Variants in RALGAPA1 observed in about 807,000 individuals in gnomAD.
RALGAPA1 encodes the protein ral GTPase-activating protein subunit alpha-1.
RALGAPA1 carries 52 observed loss-of-function variants against 269.6 expected under a neutral mutation model. That is an observed-to-expected ratio of 0.19 (90% CI 0.15 to 0.24). The LOEUF (loss-of-function observed/expected upper bound fraction) is 0.24. RALGAPA1 is among the 10% of genes least tolerant of loss of function. The pLI is 1.00. For missense variants in RALGAPA1, 1,917 were observed against 3,013.9 expected (o/e 0.64, Z 8.52); for synonymous variants, 817 against 1,008.3 (o/e 0.81, Z 3.60).
chr14:35,627,669 C>T lies in RALGAPA1; in HGVS notation c.6278G>A (p.Gly2093Asp). Residue 2093 changes from glycine (G) to aspartate (D), a missense_variant, in exon 34 of 42, where the codon GGC becomes GAC. By Grantham distance (94) the Gly-to-Asp change is moderately conservative. This residue lies in a region of RALGAPA1 where 346 missense variants were observed against 566.1 expected (regional missense o/e 0.61). Coordinates refer to ENST00000680220, the MANE Select transcript of RALGAPA1 (RefSeq NM_001346249.2). ...ENMPGGGLSA[G>D]LASANSNVRI... Reference sequence around the variant, plus strand: ...GACATTTGAATTGGCTGATGCAAGGCCAGCAGATAAACCTCCTCCAGGCAT... The same window carrying T: ...GACATTTGAATTGGCTGATGCAAGGTCAGCAGATAAACCTCCTCCAGGCAT... 6.3e-7 allele frequency: 1 copy of T among 1,575,512 alleles called. No homozygotes were observed. Among genetic ancestry groups the T allele is most frequent in the Non-Finnish European group, 8.6e-7 (1 of 1,160,968 alleles).
chr14:35,637,156 C>T (rs556052443), intron 31 of RALGAPA1, among the ~76,000 whole-genome samples: 2 of 152,130 alleles, frequency 1.3e-5, no homozygotes, highest in Non-Finnish European at 2.9e-5. Context: ...TCTTCAATGC[C>T]CACACACCAA....
intron 30 of RALGAPA1, among the ~76,000 whole-genome samples, chr14:35,653,484 T>C (rs2062979861): frequency 1.3e-5 from 2 of 151,920 alleles, no homozygotes; most frequent in Non-Finnish European, 2.9e-5. Flanking sequence ...AAGCCAGGGG[T>C]ATGTTTAAGT....
intron 1 of RALGAPA1, among the ~76,000 whole-genome samples, chr14:35,799,049 A>C (rs894153777): frequency 2.0e-5 from 3 of 152,008 alleles, no homozygotes; most frequent in African/African-American, 7.2e-5. Flanking sequence ...ATGGTACTAC[A>C]TGGGTATGAG....
In RALGAPA1 at chr14:35,688,501, G is replaced by C. The variant is rs575073315; in HGVS notation, c.3910C>G (p.Leu1304Val). The C allele has an allele frequency of 1.0e-5, 16 of 1,536,062 alleles. No individual in the cohort carries two copies. The African/African-American group carries it at 1.8e-4, about 17-fold the overall frequency. ...RMPPEAPLRD[L>V]YSHVMGYFGR... ...AAATAGCCCATTACATGACTGTACA[G>C]ATCCCTCAGTGGAGCCTCTGGTGGC... Residue 1304 changes from leucine to valine, a missense_variant, in exon 18 of 42, where the codon CTG becomes GTG. By Grantham distance (32) the Leu-to-Val change is conservative (BLOSUM62 1). Coordinates refer to ENST00000680220, the MANE Select transcript of RALGAPA1 (RefSeq NM_001346249.2).
chr14:35,718,088 G>A (rs8021912), intron 16 of RALGAPA1, among the ~76,000 whole-genome samples: 6,676 of 152,104 alleles, frequency 0.044, 415 homozygotes, highest in South Asian at 0.14. Context: ...TAAAACAGTC[G>A]TCCTATGTCC....
At chr14:35,660,567 ATAATCCAAAGCAATCC>A (rs2063474920) in intron 27 of RALGAPA1, among the ~76,000 whole-genome samples, 1 of 152,142 alleles carries the variant, frequency 6.6e-6, no homozygotes, top group Non-Finnish European at 1.5e-5. Flanking sequence ...AAATGTCCAT[ATAATCCAAAGCAATCC>A]TACTTCTGGG....
chr14:35,645,289 C>T (rs2062330623), intron 31 of RALGAPA1, among the ~76,000 whole-genome samples: 1 of 150,844 alleles, frequency 6.6e-6, no homozygotes, highest in Non-Finnish European at 1.5e-5. Flanking sequence ...ATTAGGATTT[C>T]CATATATGAA....
Position 35,563,020 on chromosome 14 carries a change from C to CAAAAAAAAAAAA in RALGAPA1, c.7496+7585_7496+7596dup, listed in dbSNP as rs71445944. Among the ~76,000 whole-genome samples, 40 of 37,258 alleles carry CAAAAAAAAAAAA rather than the reference C, an allele frequency of 1.1e-3. 1 individual carries two copies. Among genetic ancestry groups the CAAAAAAAAAAAA allele is most frequent in the South Asian group, 7.5e-3 (3 of 400 alleles). The allele number at this position is 37,258 out of a possible 152,430, so 24.4% of individuals were successfully genotyped here. On this transcript the variant is annotated intron_variant, in intron 39 of 41. Coordinates refer to ENST00000680220, the MANE Select transcript of RALGAPA1 (RefSeq NM_001346249.2). ...TGGGCAACAGAGCGAGAGTCCGTCTCAAAAAAAAAAAAAAAAAAAAAAAAA... is the reference window on the plus strand; with the variant it reads ...TGGGCAACAGAGCGAGAGTCCGTCTCAAAAAAAAAAAAAAAAAAAAAAAAAAAAAAAAAAAAA...
chr14:35,580,466 G>A lies in RALGAPA1; in HGVS notation c.7210-7748C>T, dbSNP rs536295404. Among the ~76,000 whole-genome samples the A allele has an allele frequency of 3.3e-5, 5 of 152,254 alleles. No homozygotes were observed. The East Asian group carries it at 9.6e-4, about 29-fold the overall frequency. ...ATTTATAGAACAGATTGCTTGGACTGGGGTTATATCAGGATTTTTATATGG... is the reference window on the plus strand; with the variant it reads ...ATTTATAGAACAGATTGCTTGGACTAGGGTTATATCAGGATTTTTATATGG... On this transcript the variant is annotated intron_variant, in intron 37 of 41. Transcript: ENST00000680220.
At chr14:35,546,908 A>G (rs1418738833) in intron 41 of RALGAPA1, among the ~76,000 whole-genome samples, 1 of 152,110 alleles carries the variant, frequency 6.6e-6, no homozygotes, top group East Asian at 1.9e-4. Flanking sequence ...TTCAGATTCT[A>G]TGTTTTTGCT....
chr14:35,692,970 A>T (rs1161878229), intron 17 of RALGAPA1, among the ~76,000 whole-genome samples: 1 of 152,040 alleles, frequency 6.6e-6, no homozygotes, highest in Non-Finnish European at 1.5e-5. Context: ...CAACAACCCC[A>T]TGAAGTAGGT....
chr14:35,573,858 A>T (rs1594647901), intron 37 of RALGAPA1, among the ~76,000 whole-genome samples: 1 of 152,292 alleles, frequency 6.6e-6, no homozygotes, highest in South Asian at 2.1e-4. Context: ...AAAATACTTT[A>T]AAAATATCCT....
At chr14:35,554,341 T>G (rs1030168662) in intron 39 of RALGAPA1, among the ~76,000 whole-genome samples, 3 of 93,432 alleles carry the variant, frequency 3.2e-5, no homozygotes, top group African/African-American at 2.5e-4. Context: ...ACACTTTCTT[T>G]TTTTTTTTTT....
intron 4 of RALGAPA1, among the ~76,000 whole-genome samples, chr14:35,768,477 G>A (rs1254904497): frequency 2.6e-5 from 4 of 152,044 alleles, no homozygotes; most frequent in Admixed American, 6.5e-5. Flanking sequence ...ATGGCTTGAA[G>A]CCGGAGGTTT....
intron 21 of RALGAPA1, among the ~76,000 whole-genome samples, chr14:35,682,815 T>C (rs1256622384): frequency 3.3e-5 from 5 of 152,210 alleles, no homozygotes; most frequent in Non-Finnish European, 5.9e-5. Flanking sequence ...ACTGTAGCTC[T>C]AACCCAATTG....
intron 11 of RALGAPA1, among the ~76,000 whole-genome samples, chr14:35,740,509 T>C (rs1429054280): frequency 6.6e-6 from 1 of 152,200 alleles, no homozygotes; most frequent in Non-Finnish European, 1.5e-5. Context: ...TATGAGAATT[T>C]TAAAAGCCCA....
chr14:35,543,406 C>A (rs368048513), intron 41 of RALGAPA1, among the ~76,000 whole-genome samples: 24 of 152,124 alleles, frequency 1.6e-4, no homozygotes, highest in Middle Eastern at 3.4e-3. Context: ...AAGAAAATGA[C>A]CACCTATACA....
chr14:35,574,230 TTTTA>T (rs2057400107), intron 37 of RALGAPA1, among the ~76,000 whole-genome samples: 1 of 152,230 alleles, frequency 6.6e-6, no homozygotes, highest in African/African-American at 2.4e-5. Flanking sequence ...AGAAAATTCC[TTTTA>T]TTTATCTGCT....
chr14:35,555,609 T>A (rs2055525458), intron 39 of RALGAPA1, among the ~76,000 whole-genome samples: 1 of 152,228 alleles, frequency 6.6e-6, no homozygotes, highest in Admixed American at 6.5e-5. Context: ...GCATCATTTA[T>A]CGAGAATATT....
Sources: gnomAD v4.1 joint callset for allele counts (sites outside exome capture counted in the v4.1 genomes callset) on GRCh38, gnomAD v4.1.1 for gene constraint, gnomAD v4.1.1 regional missense constraint, MANE v1.5 for transcripts, NCBI Gene and HGNC (gene_info 2026-07-23, HGNC 2026-07-21) for gene names.